The following KCTD14 variants were observed in gnomAD, a reference collection of about 807,000 sequenced individuals.
The protein encoded by KCTD14 is potassium channel tetramerization domain containing 14.
A neutral mutation model predicts 5.9 loss-of-function variants in KCTD14; 7 were observed. The ratio of observed to expected loss-of-function variants is 1.19; its 90% CI spans 0.68 to 2.23. The LOEUF is 2.23. Among genes scored for constraint, KCTD14 ranks in the 30% most tolerant of loss-of-function variants. KCTD14 has a pLI of 0.00. For synonymous variants in KCTD14, 140 were observed against 133.1 expected, an observed-to-expected ratio of 1.05 and a Z score of -0.36; for missense variants, 342 against 332.2, an observed-to-expected ratio of 1.03 and a Z score of -0.23.
At chr11:78,045,386 G>A (rs942501570) in intron 1 of KCTD14, among the ~76,000 whole-genome samples, 10 of 152,158 alleles carry the variant, frequency 6.6e-5, no homozygotes, top group African/African-American at 1.4e-4. Context: ...TAGGTTCTAC[G>A]ATAGTGATGT....
chr11:78,032,110 G>C (rs143834160), intron 2 of KCTD14, among the ~76,000 whole-genome samples: 10 of 152,220 alleles, frequency 6.6e-5, no homozygotes. Context: ...ATTTCTGGGA[G>C]GAATCTGGGA....
chr11:78,026,304 G>A (rs1011868025), upstream of KCTD14, among the ~76,000 whole-genome samples: 49 of 151,962 alleles, frequency 3.2e-4, 1 homozygote, highest in Admixed American at 2.3e-3. Context: ...GGGCATGGTG[G>A]TGCGTGCCTG....
At position 78,016,577 on chromosome 11, in the gene KCTD14, T is replaced by C; in HGVS notation, c.*16A>G. On this transcript the variant is annotated 3_prime_UTR_variant, in exon 2 of 2. Transcript: ENST00000353172. ...TAAGCCACGCCAGAATTCATAACAGTCTCTGCTCCTGAGGATCACCACCAG... is the reference window on the plus strand; with the variant it reads ...TAAGCCACGCCAGAATTCATAACAGCCTCTGCTCCTGAGGATCACCACCAG... 6.2e-7 allele frequency: 1 copy of C among 1,600,718 alleles called. No homozygotes were observed. The highest frequency in any genetic ancestry group is 1.7e-5 in the Admixed American group (1 of 59,196).
At chr11:78,037,185 C>T (rs1389216650) in intron 2 of KCTD14, among the ~76,000 whole-genome samples, 2 of 152,188 alleles carry the variant, frequency 1.3e-5, no homozygotes, top group Non-Finnish European at 2.9e-5. Context: ...CAATCAGAAA[C>T]TGGGGAGCAA....
At chr11:78,021,811 C>G (rs111915602) in intron 1 of KCTD14, among the ~76,000 whole-genome samples, 1 of 152,180 alleles carries the variant, frequency 6.6e-6, no homozygotes, top group Non-Finnish European at 1.5e-5. Flanking sequence ...AAACAGCAGA[C>G]TCCATAACAA....
chr11:78,024,361 G>A (rs769804232), upstream of KCTD14, among the ~76,000 whole-genome samples: 1 of 136,216 alleles, frequency 7.3e-6, no homozygotes. Flanking sequence ...CTCCAGCCTG[G>A]GCAACAAAGA....
chr11:78,023,306 C>G, upstream of KCTD14: 1 of 1,567,940 alleles, frequency 6.4e-7, no homozygotes, highest in African/African-American at 1.3e-5. Context: ...GGTGGGAACA[C>G]CGAGGCTCAA....
At chr11:78,039,760 A>AG (rs1164297890) in intron 1 of KCTD14, among the ~76,000 whole-genome samples, 1 of 145,840 alleles carries the variant, frequency 6.9e-6, no homozygotes, top group East Asian at 2.0e-4. Flanking sequence ...AAAAAAAAAA[A>AG]GTGTACTCAT....
At chr11:78,024,572 A>G (rs989985040), upstream of KCTD14, among the ~76,000 whole-genome samples, 3 of 151,728 alleles carry the variant, frequency 2.0e-5, no homozygotes, top group African/African-American at 7.3e-5. Context: ...GTGGTTGGCT[A>G]ATGTTAAGTT....
At chr11:78,021,297 CAAAAAAAA>C (rs531185817) in intron 1 of KCTD14, among the ~76,000 whole-genome samples, 10 of 85,176 alleles carry the variant, frequency 1.2e-4, no homozygotes, top group Non-Finnish European at 1.8e-4. Context: ...GACCCTGTCT[CAAAAAAAA>C]AAAAAAAAAA....
At chr11:78,021,733 G>A (rs1037873595) in intron 1 of KCTD14, among the ~76,000 whole-genome samples, 1 of 152,132 alleles carries the variant, frequency 6.6e-6, no homozygotes, top group Non-Finnish European at 1.5e-5. Flanking sequence ...TACGTTTTCT[G>A]AAGTACAAAT....
upstream of KCTD14, among the ~76,000 whole-genome samples, chr11:78,026,695 G>A (rs537500899): frequency 6.6e-6 from 1 of 152,252 alleles, no homozygotes; most frequent in East Asian, 1.9e-4. Context: ...CTTGAGCCTA[G>A]GAGGTCAGGG....
chr11:78,037,063 T>C (rs1269957327), intron 2 of KCTD14, among the ~76,000 whole-genome samples: 1 of 152,244 alleles, frequency 6.6e-6, no homozygotes, highest in Non-Finnish European at 1.5e-5. Flanking sequence ...CAGGTCCCTC[T>C]GAGCCACAGC....
chr11:78,017,451 CTT>C (rs367766490), intron 1 of KCTD14, among the ~76,000 whole-genome samples, 181 bp from the exon 2 acceptor site: 32 of 135,814 alleles, frequency 2.4e-4, no homozygotes, highest in Admixed American at 7.5e-4. Flanking sequence ...AGGGGGTGGG[CTT>C]TTTTTTTTTT....
upstream of KCTD14, among the ~76,000 whole-genome samples, chr11:78,026,434 C>T (rs1261913569): frequency 2.0e-5 from 3 of 150,472 alleles, no homozygotes; most frequent in Admixed American, 2.0e-4. Flanking sequence ...TAGAGTGAGA[C>T]TCCATCTCAA....
At chr11:78,039,478 A>G (rs1857929054) in intron 1 of KCTD14, among the ~76,000 whole-genome samples, 2 of 151,994 alleles carry the variant, frequency 1.3e-5, no homozygotes, top group Admixed American at 6.6e-5. Context: ...GCAGTGAGCC[A>G]TGATCTCACC....
chr11:78,016,425 G>A lies in KCTD14; in HGVS notation c.*168C>T. On this transcript the variant is annotated 3_prime_UTR_variant, in exon 2 of 2. Coordinates refer to ENST00000353172, the MANE Select transcript of KCTD14 (RefSeq NM_023930.4). Reference sequence around the variant, plus strand: ...CTAGGCAAATATAGTGGCATCAGTTGCAATGGAGTGGAAAGTCCTTAAACG... The same window carrying A: ...CTAGGCAAATATAGTGGCATCAGTTACAATGGAGTGGAAAGTCCTTAAACG... The A allele has an allele frequency of 1.6e-6, 1 of 620,196 alleles. No individual in the cohort carries two copies. Among genetic ancestry groups the A allele is most frequent in the Non-Finnish European group, 2.8e-6 (1 of 356,456 alleles). The allele number at this position is 620,196 out of a possible 1,614,324, so 38.4% of individuals were successfully genotyped here. A position where few individuals can be genotyped will look rare whatever the true frequency, so the allele number is the denominator to read the frequency against.
At chr11:78,038,447 T>C (rs1314899113) in intron 2 of KCTD14, among the ~76,000 whole-genome samples, 1 of 152,172 alleles carries the variant, frequency 6.6e-6, no homozygotes, top group Non-Finnish European at 1.5e-5. Flanking sequence ...CCACTGTCAC[T>C]CAGAAGGGCA....
intron 1 of KCTD14, among the ~76,000 whole-genome samples, chr11:78,018,561 G>A (rs1857231616): frequency 6.6e-6 from 1 of 152,010 alleles, no homozygotes; most frequent in African/African-American, 2.4e-5. Context: ...ACAGTAATTA[G>A]CCAGGCATGG....
Sources: allele counts gnomAD v4.1 joint callset (sites outside exome capture counted in the v4.1 genomes callset), GRCh38; gene constraint gnomAD v4.1.1; transcripts MANE v1.5; gene names NCBI Gene and HGNC (gene_info 2026-07-23, HGNC 2026-07-21).